The following SOX6 variants were observed in gnomAD, a reference collection of about 807,000 sequenced individuals.
SOX6 encodes SRY-box transcription factor 6, also known as transcription factor SOX-6.
In SOX6, 11 loss-of-function variants were observed where a neutral mutation model predicts 97.8. The ratio of observed to expected loss-of-function variants is 0.11; its 90% CI spans 0.07 to 0.19. The LOEUF is 0.19. Ranked by LOEUF, SOX6 falls within the 10% of genes least tolerant of loss-of-function variation. The probability of loss-of-function intolerance (pLI) is 1.00; values close to 1 mark genes in which losing one functional copy is unlikely to be tolerated. For missense variants in SOX6, 810 were observed against 1,039.5 expected (o/e 0.78, Z 3.04); for synonymous variants, 360 against 371.4 (o/e 0.97, Z 0.35).
intron 4 of SOX6, among the ~76,000 whole-genome samples, chr11:16,550,993 G>A (rs1239202079): frequency 6.6e-6 from 1 of 152,130 alleles, no homozygotes; most frequent in African/African-American, 2.4e-5. Context: ...TTAGGTGGGA[G>A]GATTGCTTGA....
At chr11:16,532,565 T>A (rs970075418) in intron 4 of SOX6, among the ~76,000 whole-genome samples, 1 of 151,962 alleles carries the variant, frequency 6.6e-6, no homozygotes, top group African/African-American at 2.4e-5. Context: ...TGAATCCTAC[T>A]TAGAGCATGT....
Position 16,026,359 on chromosome 11 carries a change from G to T in SOX6, c.1624-11309C>A, listed in dbSNP as rs190712268. ...ACCCTTAGCCAAAAAGCATCTGTTG[G>T]CTACTTCTGAAGTTCCGTGGCCACC... is the stretch of plus-strand genomic sequence containing the variant. On this transcript the variant is annotated intron_variant, in intron 12 of 15. Transcript: ENST00000683767. 1.6e-3 allele frequency among the ~76,000 whole-genome samples: 240 copies of T among 152,166 alleles called. 1 individual carries two copies. The highest frequency in any genetic ancestry group is 2.9e-5 in the Non-Finnish European group (2 of 68,002).
intron 4 of SOX6, among the ~76,000 whole-genome samples, chr11:16,572,869 G>GT (rs1565183738): frequency 6.6e-6 from 1 of 152,134 alleles, no homozygotes; most frequent in Non-Finnish European, 1.5e-5. Context: ...GAAATAAAAG[G>GT]TAATAGAATT....
rs547693585 is a variant in SOX6 at position 16,015,012 on chromosome 11, C to T, written c.1662G>A (p.Thr554=). ...TRFENLGPQL[T]GKSNEDGKLG... ...GTTTTCCATCTTCATTTGACTTTCC[C>T]GTTAACTGGGGCCCCAAATTCTCAA... The change falls in exon 13 of 16, where the codon ACG becomes ACA. Residue 554 remains threonine (T), a synonymous_variant. Transcript: ENST00000683767. The T allele has an allele frequency of 2.1e-4, 346 of 1,612,902 alleles. 1 individual carries two copies. In the South Asian group the frequency reaches 2.5e-3, roughly 12 times the overall value.
At chr11:16,317,808 C>T (rs1048229661) in intron 3 of SOX6, 1 of 228,138 alleles carries the variant, frequency 4.4e-6, no homozygotes, top group Non-Finnish European at 9.0e-6. Context: ...ATCACTTAGA[C>T]TTGATTTACT....
chr11:16,259,957 G>GTA (rs1853828146), intron 3 of SOX6, among the ~76,000 whole-genome samples: 5 of 151,824 alleles, frequency 3.3e-5, no homozygotes, highest in Admixed American at 6.6e-5. Context: ...GTGTGTGTGT[G>GTA]TGTGTGTGTG....
intron 4 of SOX6, among the ~76,000 whole-genome samples, chr11:16,497,801 G>C (rs1000839037): frequency 4.6e-5 from 7 of 152,226 alleles, no homozygotes; most frequent in African/African-American, 1.4e-4. Context: ...AAGCCTCCAA[G>C]AAATATGGGA....
chr11:16,425,422 C>T (rs1159095167), intron 1 of SOX6, among the ~76,000 whole-genome samples: 1 of 152,198 alleles, frequency 6.6e-6, no homozygotes, highest in Non-Finnish European at 1.5e-5. Context: ...AGGATGCCTT[C>T]TCTTACCACT....
At chr11:16,684,313 A>G (rs1172095355) in intron 3 of SOX6, among the ~76,000 whole-genome samples, 1 of 152,232 alleles carries the variant, frequency 6.6e-6, no homozygotes, top group African/African-American at 2.4e-5. Flanking sequence ...TCACAATAGC[A>G]AAGTATTGGA....
At chr11:16,699,499 C>G (rs1231079993) in intron 3 of SOX6, among the ~76,000 whole-genome samples, 1 of 152,110 alleles carries the variant, frequency 6.6e-6, no homozygotes, top group East Asian at 1.9e-4. Flanking sequence ...GTTGCTATCT[C>G]TGGAGTGGAG....
intron 4 of SOX6, among the ~76,000 whole-genome samples, chr11:16,522,958 C>A (rs994773139): frequency 3.9e-5 from 6 of 152,172 alleles, no homozygotes; most frequent in Non-Finnish European, 7.4e-5. Context: ...GCACCCAATA[C>A]AGGAGCACCC....
intron 1 of SOX6, among the ~76,000 whole-genome samples, chr11:16,387,686 T>C (rs1016369495): frequency 6.6e-6 from 1 of 152,130 alleles, no homozygotes; most frequent in African/African-American, 2.4e-5. Context: ...ATGATCACTC[T>C]TCTAAGAATT....
chr11:16,239,285 G>T (rs923052817), intron 3 of SOX6, among the ~76,000 whole-genome samples: 1 of 151,852 alleles, frequency 6.6e-6, no homozygotes, highest in Non-Finnish European at 1.5e-5. Context: ...ACTCCCTGAC[G>T]ACTGCTCATG....
intron 3 of SOX6, among the ~76,000 whole-genome samples, chr11:16,643,540 C>T (rs1848960003): frequency 6.6e-6 from 1 of 152,218 alleles, no homozygotes; most frequent in African/African-American, 2.4e-5. Flanking sequence ...GGCAGGCCTC[C>T]TTGACCTGTG....
intron 4 of SOX6, among the ~76,000 whole-genome samples, chr11:16,534,155 A>AAGG (rs1172932470): frequency 2.0e-5 from 3 of 152,118 alleles, no homozygotes; most frequent in African/African-American, 4.8e-5. Flanking sequence ...TATTCATTCA[A>AAGG]ATTCTTATTC....
chr11:16,590,162 A>C (rs968786247), intron 4 of SOX6, among the ~76,000 whole-genome samples: 10 of 152,212 alleles, frequency 6.6e-5, no homozygotes, highest in Admixed American at 3.3e-4. Flanking sequence ...GTTGAAAGAC[A>C]CATAGAAAAC....
chr11:16,495,194 G>A (rs1350298734), intron 4 of SOX6, among the ~76,000 whole-genome samples: 1 of 152,090 alleles, frequency 6.6e-6, no homozygotes, highest in Non-Finnish European at 1.5e-5. Context: ...CCTGCCCATA[G>A]CCACTACCTG....
intron 10 of SOX6, among the ~76,000 whole-genome samples, chr11:16,050,190 G>C (rs571223496): frequency 1.3e-5 from 2 of 152,168 alleles, no homozygotes; most frequent in South Asian, 4.2e-4. Flanking sequence ...ATCTGAATTA[G>C]CTCACATTAC....
chr11:16,519,980 G>T (rs1241582411), intron 4 of SOX6, among the ~76,000 whole-genome samples: 1 of 151,890 alleles, frequency 6.6e-6, no homozygotes, highest in African/African-American at 2.4e-5. Flanking sequence ...TGTATTTTTT[G>T]GCCACTTACA....
Sources: gnomAD v4.1 joint callset for allele counts (sites outside exome capture counted in the v4.1 genomes callset) on GRCh38, gnomAD v4.1.1 for gene constraint, MANE v1.5 for transcripts, NCBI Gene and HGNC (gene_info 2026-07-23, HGNC 2026-07-21) for gene names.